Variants in MNAT1 observed in about 807,000 individuals in gnomAD.
The protein encoded by MNAT1 is MNAT1 component of CDK activating kinase.
In MNAT1, 43 loss-of-function variants were observed where a neutral mutation model predicts 42.0. The observed-to-expected ratio is 1.02, with a 90% confidence interval of 0.80 to 1.32. MNAT1 has a LOEUF of 1.32. MNAT1 is among the 40% of genes most tolerant of loss of function. The pLI is 0.00. For missense variants in MNAT1, 306 were observed against 350.4 expected (o/e 0.87, Z 1.01); for synonymous variants, 118 against 120.0 (o/e 0.98, Z 0.11).
chr14:60,763,135 AG>A (rs962069895), intron 1 of MNAT1, among the ~76,000 whole-genome samples: 75 of 152,304 alleles, frequency 4.9e-4, no homozygotes, highest in African/African-American at 1.7e-3. Flanking sequence ...TTAAGAAAAA[AG>A]TCATGCGTAG....
At chr14:60,838,559 C>A (rs1007763499) in intron 6 of MNAT1, among the ~76,000 whole-genome samples, 1 of 152,154 alleles carries the variant, frequency 6.6e-6, no homozygotes, top group African/African-American at 2.4e-5. Flanking sequence ...GAAGGGATGG[C>A]AGCAGCAGTC....
intron 7 of MNAT1, among the ~76,000 whole-genome samples, chr14:60,880,510 A>G (rs1260235783): frequency 1.3e-5 from 2 of 152,312 alleles, no homozygotes; most frequent in East Asian, 3.9e-4. Context: ...AGGCTGATCC[A>G]GAAACTGTTG....
intron 7 of MNAT1, among the ~76,000 whole-genome samples, chr14:60,904,565 CAG>C (rs1032253091): frequency 6.6e-6 from 1 of 152,146 alleles, no homozygotes; most frequent in Non-Finnish European, 1.5e-5. Context: ...CAGTCAGACA[CAG>C]GGCAGCTGAA....
At chr14:60,773,044 T>C (rs746975180) in intron 1 of MNAT1, among the ~76,000 whole-genome samples, 2 of 151,904 alleles carry the variant, frequency 1.3e-5, no homozygotes, top group Non-Finnish European at 2.9e-5. Context: ...TTCAAGCGAT[T>C]CTCCTACCTC....
intron 6 of MNAT1, among the ~76,000 whole-genome samples, chr14:60,865,230 AT>A (rs1288296725): frequency 1.3e-5 from 2 of 151,984 alleles, no homozygotes; most frequent in Non-Finnish European, 2.9e-5. Context: ...CTTACATGGT[AT>A]TTTTGTTTTG....
At chr14:60,812,202 C>A in intron 5 of MNAT1, 75 bp downstream of exon 5, 2 of 1,352,594 alleles carry the variant, frequency 1.5e-6, no homozygotes, top group Non-Finnish European at 2.0e-6. Flanking sequence ...TGGATGATGG[C>A]ATTTAAAGGG....
intron 6 of MNAT1, among the ~76,000 whole-genome samples, chr14:60,859,801 G>T (rs2034051609): frequency 6.6e-6 from 1 of 152,098 alleles, no homozygotes; most frequent in South Asian, 2.1e-4. Context: ...TTAAGATCAG[G>T]CATCACTCTT....
intron 6 of MNAT1, among the ~76,000 whole-genome samples, chr14:60,837,393 G>A (rs527864607): frequency 2.5e-4 from 38 of 152,330 alleles, no homozygotes; most frequent in African/African-American, 6.5e-4. Flanking sequence ...TGCAAAGACC[G>A]TGGGGAAAGC....
intron 6 of MNAT1, among the ~76,000 whole-genome samples, chr14:60,834,935 TCC>T (rs2033338771): frequency 7.6e-6 from 1 of 130,814 alleles, no homozygotes; most frequent in Non-Finnish European, 1.6e-5. Flanking sequence ...CTTCCTTCCT[TCC>T]TTCCTTCCTT....
At chr14:60,809,975 G>A (rs1030432682) in intron 4 of MNAT1, among the ~76,000 whole-genome samples, 11 of 152,002 alleles carry the variant, frequency 7.2e-5, no homozygotes, top group African/African-American at 2.2e-4. Context: ...CACCACTGCC[G>A]CTTTTTCTCT....
rs148483521 is a variant in MNAT1 at position 60,735,054 on chromosome 14, G to C, written c.89+103G>C. 461 of 1,069,404 alleles carry C rather than the reference G, an allele frequency of 4.3e-4. 2 individuals carry two copies. The African/African-American group carries it at 6.4e-3, about 15-fold the overall frequency. The allele number at this position is 1,069,404 out of a possible 1,614,324, so 66.2% of individuals were successfully genotyped here. A position where few individuals can be genotyped will look rare whatever the true frequency, so the allele number is the denominator to read the frequency against. On this transcript the variant is annotated intron_variant, in intron 1 of 7. Transcript: ENST00000261245. Reference sequence around the variant, plus strand: ...GTCTTGGGAGCAAAGGGCGTTGTTAGTTTCAACACTGGGGAGGAAAATGGG... The same window carrying C: ...GTCTTGGGAGCAAAGGGCGTTGTTACTTTCAACACTGGGGAGGAAAATGGG...
chr14:60,816,657 A>G (rs1197943120), intron 5 of MNAT1, among the ~76,000 whole-genome samples: 2 of 152,106 alleles, frequency 1.3e-5, no homozygotes, highest in African/African-American at 4.8e-5. Flanking sequence ...CAAAGAATGA[A>G]ATAACTTGAA....
chr14:60,931,290 C>G (rs1219476089), intron 7 of MNAT1, among the ~76,000 whole-genome samples: 1 of 152,170 alleles, frequency 6.6e-6, no homozygotes, highest in South Asian at 2.1e-4. Flanking sequence ...GAATATGCCA[C>G]TTAGACACAA....
chr14:60,832,652 G>A (rs796841465), intron 6 of MNAT1, among the ~76,000 whole-genome samples: 62 of 152,080 alleles, frequency 4.1e-4, no homozygotes, highest in African/African-American at 1.5e-3. Context: ...GATTGTCTTG[G>A]CTATACAGAC....
At chr14:60,809,469 T>C (rs1050355817) in intron 4 of MNAT1, among the ~76,000 whole-genome samples, 4 of 152,128 alleles carry the variant, frequency 2.6e-5, no homozygotes, top group African/African-American at 4.8e-5. Flanking sequence ...AGTAACCTTC[T>C]CTGGGAACAT....
intron 1 of MNAT1, among the ~76,000 whole-genome samples, chr14:60,784,262 G>T (rs1325873049): frequency 7.5e-6 from 1 of 132,598 alleles, no homozygotes; most frequent in Non-Finnish European, 1.6e-5. Context: ...GACCTCAGGT[G>T]ATCCACCCGC....
intron 7 of MNAT1, among the ~76,000 whole-genome samples, chr14:60,959,796 C>T (rs1280654527): frequency 6.6e-6 from 1 of 152,146 alleles, no homozygotes; most frequent in Non-Finnish European, 1.5e-5. Context: ...ATCTTTCTGA[C>T]ATCATTCCTT....
At chr14:60,781,998 G>GTTTTT (rs2031480799) in intron 1 of MNAT1, among the ~76,000 whole-genome samples, 1 of 145,294 alleles carries the variant, frequency 6.9e-6, no homozygotes, top group South Asian at 2.2e-4. Context: ...TTTAACAGAA[G>GTTTTT]TATACTTGTT....
chr14:60,787,479 T>C (rs769404563), intron 1 of MNAT1, among the ~76,000 whole-genome samples: 4 of 152,192 alleles, frequency 2.6e-5, no homozygotes, highest in Non-Finnish European at 4.4e-5. Context: ...TGGTGATTGC[T>C]GAAGGTTGGG....
Sources: allele counts gnomAD v4.1 joint callset (sites outside exome capture counted in the v4.1 genomes callset), GRCh38; gene constraint gnomAD v4.1.1; transcripts MANE v1.5; gene names NCBI Gene and HGNC (gene_info 2026-07-23, HGNC 2026-07-21).